Variants in TRIO observed in about 807,000 individuals in gnomAD.
TRIO encodes triple functional domain protein.
TRIO carries 58 observed loss-of-function variants against 351.9 expected under a neutral mutation model. The observed-to-expected ratio is 0.16, with a 90% confidence interval of 0.13 to 0.21. The LOEUF (loss-of-function observed/expected upper bound fraction) is 0.21. Ranked by LOEUF, TRIO falls within the 10% of genes least tolerant of loss-of-function variation. The pLI is 1.00. For missense variants in TRIO, 3,201 were observed against 4,027.8 expected, an observed-to-expected ratio of 0.79 and a Z score of 5.56; for synonymous variants, 1,758 against 1,595.7, an observed-to-expected ratio of 1.10 and a Z score of -2.42.
chr5:14,308,360 C>T (rs1324349147), intron 8 of TRIO, among the ~76,000 whole-genome samples: 1 of 117,004 alleles, frequency 8.5e-6, no homozygotes, highest in Non-Finnish European at 1.7e-5. Context: ...ACGCACCCAA[C>T]CACCCATTCA....
rs58897996 is a variant in TRIO at position 14,357,934 on chromosome 5, C to T, written c.2047-244C>T. Among the ~76,000 whole-genome samples, 5,185 of 152,160 alleles carry T rather than the reference C, an allele frequency of 0.034. 322 individuals carry two copies. Among genetic ancestry groups the T allele is most frequent in the African/African-American group, 0.12 (4,964 of 41,484 alleles). ...TTTTGTGACAGTGCTGCCCGCCGTTCGCCTGTTTATTTTCCTCCCTGCGGC... is the reference window on the plus strand; with the variant it reads ...TTTTGTGACAGTGCTGCCCGCCGTTTGCCTGTTTATTTTCCTCCCTGCGGC... On this transcript the variant is annotated intron_variant, in intron 11 of 56. Transcript: ENST00000344204.
chr5:14,285,193 G>T (rs781411436), intron 3 of TRIO, among the ~76,000 whole-genome samples: 1 of 152,142 alleles, frequency 6.6e-6, no homozygotes, highest in East Asian at 1.9e-4. Flanking sequence ...ATGGCATGAG[G>T]AGTATTTGAA....
chr5:14,381,741 A>G (rs1294740254), intron 21 of TRIO, among the ~76,000 whole-genome samples: 1 of 152,200 alleles, frequency 6.6e-6, no homozygotes. Context: ...TGGTTGGCAG[A>G]GTCTGTGTCA....
chr5:14,360,599 G>A (rs1744058929), intron 13 of TRIO, among the ~76,000 whole-genome samples: 1 of 152,208 alleles, frequency 6.6e-6, no homozygotes, highest in Admixed American at 6.5e-5. Flanking sequence ...GCTGGGGATG[G>A]CAGGGCTGTG....
At chr5:14,321,052 C>A (rs1739833986) in intron 9 of TRIO, among the ~76,000 whole-genome samples, 1 of 152,174 alleles carries the variant, frequency 6.6e-6, no homozygotes. Flanking sequence ...TTTCTGAATT[C>A]TTCTCAAACG....
chr5:14,178,713 A>AT (rs1389576794), intron 1 of TRIO, among the ~76,000 whole-genome samples: 1 of 152,118 alleles, frequency 6.6e-6, no homozygotes, highest in Non-Finnish European at 1.5e-5. Flanking sequence ...CCCACTGGTC[A>AT]TTTTTTGTGG....
intron 31 of TRIO, among the ~76,000 whole-genome samples, chr5:14,404,864 T>G (rs1230368819): frequency 6.6e-6 from 1 of 152,182 alleles, no homozygotes; most frequent in Non-Finnish European, 1.5e-5. Flanking sequence ...TTTCCCAACA[T>G]GGGCTTTGAT....
At chr5:14,291,255 A>G in intron 5 of TRIO, 27 bp downstream of exon 5, 1 of 1,598,914 alleles carries the variant, frequency 6.3e-7, no homozygotes, top group East Asian at 2.2e-5. Flanking sequence ...CTAATGCCTC[A>G]GTGGACATGG....
chr5:14,434,601 T>A (rs1382493858), intron 34 of TRIO, among the ~76,000 whole-genome samples: 1 of 152,196 alleles, frequency 6.6e-6, no homozygotes, highest in Non-Finnish European at 1.5e-5. Context: ...TAGTAACATC[T>A]CACATACGGT....
intron 19 of TRIO, among the ~76,000 whole-genome samples, chr5:14,376,952 C>G (rs539111206): frequency 2.6e-5 from 4 of 152,272 alleles, no homozygotes; most frequent in South Asian, 2.1e-4. Flanking sequence ...TAAATGTGTT[C>G]CTGTATATTT....
chr5:14,311,761 C>A (rs1350317336), intron 8 of TRIO, among the ~76,000 whole-genome samples: 1 of 152,126 alleles, frequency 6.6e-6, no homozygotes, highest in Non-Finnish European at 1.5e-5. Flanking sequence ...CAGGCCATGG[C>A]GAGCTAAGCC....
At chr5:14,393,293 C>T (rs544427267) in intron 27 of TRIO, among the ~76,000 whole-genome samples, 13 of 152,180 alleles carry the variant, frequency 8.5e-5, no homozygotes, top group Non-Finnish European at 1.0e-4. Flanking sequence ...ACCTAATGTA[C>T]ACAACGGGTT....
rs531337388 is a variant in TRIO at position 14,171,846 on chromosome 5, T to C, written c.157+27964T>C. ...GAGTAGCCTTTTCAGCCAGTTTGGG[T>C]TGTGAAATACTGCTGAGTGCTTATG... On this transcript the variant is annotated intron_variant, in intron 1 of 56. Transcript: ENST00000344204. Among the ~76,000 whole-genome samples the C allele has an allele frequency of 4.6e-5, 7 of 152,254 alleles. No individual in the cohort carries two copies. In the South Asian group the frequency reaches 1.2e-3, roughly 27 times the overall value.
intron 1 of TRIO, among the ~76,000 whole-genome samples, chr5:14,144,427 C>T (rs1787368260): frequency 6.6e-6 from 1 of 152,192 alleles, no homozygotes; most frequent in African/African-American, 2.4e-5. Flanking sequence ...TGTCATCTCC[C>T]CGGCCTTGGT....
intron 9 of TRIO, among the ~76,000 whole-genome samples, chr5:14,318,592 T>A (rs1284897358): frequency 2.0e-5 from 3 of 152,248 alleles, no homozygotes; most frequent in African/African-American, 7.2e-5. Flanking sequence ...TTGTTATTAT[T>A]CATGCTTCTT....
chr5:14,197,083 G>T (rs1260012370), intron 1 of TRIO, among the ~76,000 whole-genome samples: 1 of 152,140 alleles, frequency 6.6e-6, no homozygotes, highest in Non-Finnish European at 1.5e-5. Context: ...ATAAATTTGT[G>T]CTGTTTAAAC....
At chr5:14,279,187 A>G (rs1415453626) in intron 2 of TRIO, among the ~76,000 whole-genome samples, 2 of 152,370 alleles carry the variant, frequency 1.3e-5, no homozygotes, top group Middle Eastern at 3.4e-3. Context: ...TGAACAGTAC[A>G]TGTGGATTGC....
At chr5:14,392,586 C>T (rs1747184655) in intron 27 of TRIO, among the ~76,000 whole-genome samples, 1 of 152,172 alleles carries the variant, frequency 6.6e-6, no homozygotes, top group Admixed American at 6.6e-5. Context: ...GGGTATACAC[C>T]CAAAGGATTA....
At chr5:14,184,012 A>T (rs757223178) in intron 1 of TRIO, 47 of 696,042 alleles carry the variant, frequency 6.8e-5, no homozygotes, top group Non-Finnish European at 1.1e-4. Context: ...TGGCTCTCTG[A>T]TGTGTGGCTC....
Sources: gnomAD v4.1 joint callset for allele counts (sites outside exome capture counted in the v4.1 genomes callset) on GRCh38, gnomAD v4.1.1 for gene constraint, MANE v1.5 for transcripts, NCBI Gene and HGNC (gene_info 2026-07-23, HGNC 2026-07-21) for gene names.